SUPT3H: variants seen among roughly 807,000 people sequenced by gnomAD.
The protein encoded by SUPT3H is SPT3 homolog, SAGA and STAGA complex component, also known as transcription initiation protein SPT3 homolog.
Under a neutral mutation model 44.3 loss-of-function variants are expected in SUPT3H, and 44 were observed. The observed-to-expected ratio is 0.99, with a 90% CI of 0.78 to 1.28. The LOEUF is 1.28. Among genes scored for constraint, SUPT3H ranks in the 50% most tolerant of loss-of-function variants. The probability of loss-of-function intolerance (pLI) is 0.00; values close to 1 mark genes in which losing one functional copy is unlikely to be tolerated. For missense variants in SUPT3H, 380 were observed against 387.1 expected (o/e 0.98, Z 0.15); for synonymous variants, 124 against 125.6 (o/e 0.99, Z 0.09).
rs1232574272 is a variant in SUPT3H at position 45,278,294 on chromosome 6, T to TA, written c.101+86906dup. ...GTATCCCAGAACTAAAAGTATAATT[T>TA]AAAAAAAAAGAAAATATACTTTAAT... On this transcript the variant is annotated intron_variant, in intron 2 of 10. Transcript: ENST00000371459. 6.0e-5 allele frequency among the ~76,000 whole-genome samples: 9 copies of TA among 151,036 alleles called. No individual in the cohort carries two copies. In the South Asian group the frequency reaches 8.4e-4, roughly 14 times the overall value.
chr6:45,012,279 C>A (rs888262006), intron 5 of SUPT3H, among the ~76,000 whole-genome samples: 1 of 151,862 alleles, frequency 6.6e-6, no homozygotes. Flanking sequence ...TCTTCTGATA[C>A]TCTCATTATG....
At chr6:44,896,068 G>A (rs996194112) in intron 10 of SUPT3H, among the ~76,000 whole-genome samples, 1 of 152,040 alleles carries the variant, frequency 6.6e-6, no homozygotes, top group Non-Finnish European at 1.5e-5. Flanking sequence ...GCTTTTTTCT[G>A]TAACACAACC....
intron 1 of SUPT3H, among the ~76,000 whole-genome samples, chr6:45,366,942 A>T (rs1005898125): frequency 2.0e-5 from 3 of 152,146 alleles, no homozygotes; most frequent in African/African-American, 7.2e-5. Flanking sequence ...TCTTCTTAAT[A>T]TATCTTTCTA....
intron 10 of SUPT3H, among the ~76,000 whole-genome samples, chr6:44,894,302 C>T (rs1163551538): frequency 6.6e-6 from 1 of 151,718 alleles, no homozygotes; most frequent in Non-Finnish European, 1.5e-5. Context: ...TTGCCCATGC[C>T]TATGTCCTGA....
intron 10 of SUPT3H, among the ~76,000 whole-genome samples, chr6:44,878,354 T>G (rs932750176): frequency 6.6e-6 from 1 of 152,184 alleles, no homozygotes; most frequent in African/African-American, 2.4e-5. Context: ...TAAACTCTTT[T>G]AAAAACAACG....
intron 2 of SUPT3H, chr6:45,321,664 T>G (rs771885725): frequency 1.6e-6 from 1 of 638,980 alleles, no homozygotes; most frequent in African/African-American, 1.9e-5. Context: ...AAGTTTCACA[T>G]GCATGTTGAT....
chr6:45,239,972 G>A (rs1408697216), intron 2 of SUPT3H, among the ~76,000 whole-genome samples: 4 of 152,216 alleles, frequency 2.6e-5, no homozygotes, highest in African/African-American at 4.8e-5. Context: ...CAGCTGAAGA[G>A]CATCTACAGA....
chr6:45,148,613 C>T (rs1207154277), intron 2 of SUPT3H, among the ~76,000 whole-genome samples: 1 of 152,140 alleles, frequency 6.6e-6, no homozygotes, highest in Non-Finnish European at 1.5e-5. Context: ...CTATTCAGAT[C>T]TAGTACTACA....
At chr6:45,376,324 A>C (rs1796770068) in intron 1 of SUPT3H, among the ~76,000 whole-genome samples, 1 of 152,218 alleles carries the variant, frequency 6.6e-6, no homozygotes, top group Admixed American at 6.5e-5. Flanking sequence ...TTTAAAACTC[A>C]ACCATATCAA....
chr6:45,054,629 T>C (rs2153538254), intron 3 of SUPT3H, among the ~76,000 whole-genome samples: 1 of 152,320 alleles, frequency 6.6e-6, no homozygotes, highest in East Asian at 1.9e-4. Flanking sequence ...ATAAATCTTT[T>C]CTGCCACTAT....
At chr6:44,916,832 T>A (rs966804595) in intron 10 of SUPT3H, among the ~76,000 whole-genome samples, 1 of 152,162 alleles carries the variant, frequency 6.6e-6, no homozygotes, top group Non-Finnish European at 1.5e-5. Context: ...CTGACACTTA[T>A]TAAAAGTTGC....
intron 2 of SUPT3H, among the ~76,000 whole-genome samples, chr6:45,243,930 G>A (rs536970263): frequency 6.6e-6 from 1 of 152,252 alleles, no homozygotes; most frequent in East Asian, 1.9e-4. Flanking sequence ...CACCCAGGCT[G>A]GAGTGCAGTG....
rs142139519 is a variant in SUPT3H at position 45,084,522 on chromosome 6, T to C, written c.186+21400A>G. Among the ~76,000 whole-genome samples, 917 of 152,298 alleles carry C rather than the reference T, an allele frequency of 6.0e-3. 6 individuals are homozygous for C. Among genetic ancestry groups the C allele is most frequent in the Non-Finnish European group, 0.01 (683 of 68,002 alleles). On this transcript the variant is annotated intron_variant, in intron 3 of 10. Coordinates refer to ENST00000371459, the MANE Select transcript of SUPT3H (RefSeq NM_003599.4). ...CTTTCATACACTGCTGGTAGGAATGTAAAGTAGTTCAACCACTGTGGAAAG... is the reference window on the plus strand; with the variant it reads ...CTTTCATACACTGCTGGTAGGAATGCAAAGTAGTTCAACCACTGTGGAAAG...
chr6:45,006,677 A>T lies in SUPT3H; in HGVS notation c.365-2885T>A, dbSNP rs139797705. Among the ~76,000 whole-genome samples, 8 of 152,196 alleles carry T rather than the reference A, an allele frequency of 5.3e-5. No homozygotes were observed. The East Asian group carries it at 1.5e-3, about 29-fold the overall frequency. On this transcript the variant is annotated intron_variant, in intron 5 of 10. Coordinates refer to ENST00000371459, the MANE Select transcript of SUPT3H (RefSeq NM_003599.4). The stretch of plus-strand genomic sequence containing the variant: ...TCCAGTATCAAGAGACCTTCAGAAC[A>T]CTTTCATTTTCCCTATCTCAGCTTC...
At chr6:45,029,642 T>C (rs973530029) in intron 3 of SUPT3H, among the ~76,000 whole-genome samples, 1 of 152,192 alleles carries the variant, frequency 6.6e-6, no homozygotes, top group Non-Finnish European at 1.5e-5. Context: ...ACTCTAAATA[T>C]ATCTAAGTTT....
rs116067455 is a variant in SUPT3H, at chr6:45,086,899, A to G, written c.186+19023T>C. Among the ~76,000 whole-genome samples the G allele has an allele frequency of 2.6e-3, 390 of 152,110 alleles. 3 individuals are homozygous for G. The highest frequency in any genetic ancestry group is 8.6e-3 in the African/African-American group (356 of 41,558). On this transcript the variant is annotated intron_variant, in intron 3 of 10. Coordinates refer to ENST00000371459, the MANE Select transcript of SUPT3H (RefSeq NM_003599.4). The stretch of plus-strand genomic sequence containing the variant: ...CTAGGTGTCAGTGTAAGAAACGGAA[A>G]AATATTTTTAAAAACCTGTTGTTTC...
intron 6 of SUPT3H, among the ~76,000 whole-genome samples, chr6:44,977,014 C>T (rs1778430696): frequency 6.6e-6 from 1 of 152,180 alleles, no homozygotes; most frequent in South Asian, 2.1e-4. Flanking sequence ...TTTATTCAGG[C>T]TTTACTCATG....
intron 2 of SUPT3H, among the ~76,000 whole-genome samples, chr6:45,176,514 G>A (rs1198465515): frequency 8.8e-5 from 13 of 147,632 alleles, no homozygotes; most frequent in South Asian, 6.7e-4. Context: ...GCCTGCCATT[G>A]CCCAGGCTTG....
intron 2 of SUPT3H, among the ~76,000 whole-genome samples, chr6:45,303,139 A>C (rs1194438528): frequency 2.0e-5 from 3 of 152,148 alleles, no homozygotes; most frequent in African/African-American, 7.2e-5. Flanking sequence ...CAAGGACTTA[A>C]ATATAAAACC....
Sources: allele counts gnomAD v4.1 joint callset (sites outside exome capture counted in the v4.1 genomes callset), GRCh38; gene constraint gnomAD v4.1.1; transcripts MANE v1.5; gene names NCBI Gene and HGNC (gene_info 2026-07-23, HGNC 2026-07-21).